The following INPP5A variants were observed in gnomAD, a reference collection of about 807,000 sequenced individuals.
The protein encoded by INPP5A is 43 kDa inositol polyphosphate 5-phophatase.
In INPP5A, 14 loss-of-function variants were observed where a neutral mutation model predicts 65.2. The observed-to-expected ratio is 0.21, with a 90% CI of 0.14 to 0.34. The LOEUF is 0.34. Among genes scored for constraint, INPP5A ranks in the 10% least tolerant of loss-of-function variants. INPP5A has a pLI of 1.00. For missense variants in INPP5A, 431 were observed against 545.6 expected, an observed-to-expected ratio of 0.79 and a Z score of 2.09; for synonymous variants, 207 against 208.3, an observed-to-expected ratio of 0.99 and a Z score of 0.05.
chr10:132,695,087 G>A lies in INPP5A; in HGVS notation c.371-2729G>A, dbSNP rs1345282679. Among the ~76,000 whole-genome samples the A allele has an allele frequency of 5.3e-5, 8 of 152,092 alleles. No individual in the cohort carries two copies. The East Asian group carries it at 1.5e-3, about 29-fold the overall frequency. ...AACCAGATAAAGACATTACAAAGAA[G>A]GAAAACTATGAACTGTAAACAAAAA... On this transcript the variant is annotated intron_variant, in intron 5 of 15. Transcript: ENST00000368594.
chr10:132,690,580 C>T (rs1845242721), intron 5 of INPP5A, 125 bp downstream of exon 5: 2 of 736,780 alleles, frequency 2.7e-6, no homozygotes, highest in South Asian at 3.2e-5. Flanking sequence ...TCTTGAGCCA[C>T]TGTCCAGAGG....
chr10:132,541,529 A>G (rs2070906348), intron 1 of INPP5A, among the ~76,000 whole-genome samples: 1 of 152,138 alleles, frequency 6.6e-6, no homozygotes, highest in Non-Finnish European at 1.5e-5. Context: ...TCACTTTCCT[A>G]GAAATTATGG....
intron 1 of INPP5A, among the ~76,000 whole-genome samples, chr10:132,563,634 CG>C (rs918877360): frequency 2.0e-5 from 3 of 151,646 alleles, no homozygotes; most frequent in African/African-American, 7.3e-5. Flanking sequence ...TGCTGAAAAA[CG>C]AAGTGCGAGT....
intron 8 of INPP5A, among the ~76,000 whole-genome samples, chr10:132,720,244 G>A (rs143419788): frequency 1.3e-5 from 2 of 149,994 alleles, no homozygotes; most frequent in Non-Finnish European, 3.0e-5. Context: ...TTAGACGGCT[G>A]TCTTGCGGGT....
At chr10:132,636,000 A>G (rs914159709) in intron 2 of INPP5A, among the ~76,000 whole-genome samples, 5 of 151,856 alleles carry the variant, frequency 3.3e-5, no homozygotes, top group African/African-American at 1.2e-4. Context: ...AAAAAAAAAA[A>G]AGGCATATTC....
intron 2 of INPP5A, among the ~76,000 whole-genome samples, chr10:132,625,817 C>T (rs1178227749): frequency 1.3e-5 from 2 of 151,202 alleles, no homozygotes; most frequent in East Asian, 2.0e-4. Flanking sequence ...GAGGCTGCTT[C>T]TCTGCAAGGG....
At chr10:132,635,306 A>G (rs944866748) in intron 2 of INPP5A, among the ~76,000 whole-genome samples, 1 of 131,814 alleles carries the variant, frequency 7.6e-6, no homozygotes, top group African/African-American at 2.9e-5. Flanking sequence ...TTTTCCCCTC[A>G]TTCCTGCTGT....
At chr10:132,593,995 A>G (rs192338022) in intron 1 of INPP5A, among the ~76,000 whole-genome samples, 61 of 152,306 alleles carry the variant, frequency 4.0e-4, no homozygotes, top group African/African-American at 1.4e-3. Flanking sequence ...CCATGTCTGT[A>G]TGTATAGAAT....
chr10:132,626,310 A>C (rs912266848), intron 2 of INPP5A, among the ~76,000 whole-genome samples: 2 of 152,222 alleles, frequency 1.3e-5, no homozygotes, highest in Non-Finnish European at 2.9e-5. Flanking sequence ...GTGCATGTGG[A>C]CACGCAGGCT....
chr10:132,631,622 C>G (rs1403247302), intron 2 of INPP5A, among the ~76,000 whole-genome samples: 1 of 152,220 alleles, frequency 6.6e-6, no homozygotes, highest in African/African-American at 2.4e-5. Flanking sequence ...TTTTTAACAC[C>G]GAGTCTTGGC....
At chr10:132,672,898 T>C (rs535027321) in intron 4 of INPP5A, among the ~76,000 whole-genome samples, 1 of 152,218 alleles carries the variant, frequency 6.6e-6, no homozygotes. Context: ...CCTCAGCGGG[T>C]CGTGGTTTTT....
At chr10:132,641,565 C>T (rs994449832) in intron 2 of INPP5A, among the ~76,000 whole-genome samples, 1 of 152,220 alleles carries the variant, frequency 6.6e-6, no homozygotes, top group Non-Finnish European at 1.5e-5. Context: ...CCCAGTCTTT[C>T]AGCAGAAGCT....
At position 132,646,000 on chromosome 10, in the gene INPP5A, C is replaced by T. The variant is rs1204004868; in HGVS notation, c.218+32C>T. The stretch of plus-strand genomic sequence containing the variant: ...CTAGGGGCAGGTGCTGGTGCATGTC[C>T]ACTTCCCAGGGGTGTGGGGTGCCGG... On this transcript the variant is annotated intron_variant, in intron 3 of 15. Coordinates refer to ENST00000368594, the MANE Select transcript of INPP5A (RefSeq NM_005539.5). 6 of 1,489,040 alleles carry T rather than the reference C, an allele frequency of 4.0e-6. No individual in the cohort carries two copies. The Admixed American group carries it at 1.0e-4, about 25-fold the overall frequency. 92.2% of individuals were successfully genotyped at this position (1,489,040 alleles called of 1,614,324 possible). A position where few individuals can be genotyped will look rare whatever the true frequency, so the allele number is the denominator to read the frequency against.
chr10:132,596,430 TTTTG>T (rs1313711764), intron 1 of INPP5A, among the ~76,000 whole-genome samples: 13 of 145,498 alleles, frequency 8.9e-5, no homozygotes, highest in South Asian at 2.2e-4. Flanking sequence ...GCATGTTTTG[TTTTG>T]TTTTTTTTTT....
chr10:132,671,352 CTT>C (rs2072888273), intron 4 of INPP5A, among the ~76,000 whole-genome samples: 1 of 150,760 alleles, frequency 6.6e-6, no homozygotes, highest in Admixed American at 6.6e-5. Context: ...GCCCTCCCTG[CTT>C]CGGACTCCGC....
intron 6 of INPP5A, among the ~76,000 whole-genome samples, chr10:132,701,675 G>A (rs555220839): frequency 2.6e-5 from 4 of 152,314 alleles, no homozygotes; most frequent in South Asian, 4.1e-4. Flanking sequence ...GCTCAGGTGC[G>A]CCCGTGGGGG....
rs117349602 is a variant in INPP5A, at chr10:132,669,315, G to A, written c.306+18810G>A. Among the ~76,000 whole-genome samples, 242 of 152,312 alleles carry A rather than the reference G, an allele frequency of 1.6e-3. 2 individuals carry two copies. The East Asian group carries it at 0.04, about 25-fold the overall frequency. ...TTGTGTGAAGCTGGGAAGTAGCCCC[G>A]TGAGCGCCAGGTGTTGCCGGGCCAG... On this transcript the variant is annotated intron_variant, in intron 4 of 15. Transcript: ENST00000368594.
intron 2 of INPP5A, among the ~76,000 whole-genome samples, chr10:132,628,463 C>CGGGGGGGGGGGGGGGGGGGG (rs55668291): frequency 8.6e-5 from 2 of 23,314 alleles, no homozygotes; most frequent in Admixed American, 4.2e-4. Flanking sequence ...GCTCTGGTGG[C>CGGGGGGGGGGGGGGGGGGGG]GGGGGGGGGG....
Position 132,628,330 on chromosome 10 carries a change from A to G in INPP5A, c.118-17538A>G, listed in dbSNP as rs376202681. ...CGTGAGCATGCACCCATGGCTGGCAATGACTGTGAGGAGTGACAGAGTGAA... is the reference window on the plus strand; with the variant it reads ...CGTGAGCATGCACCCATGGCTGGCAGTGACTGTGAGGAGTGACAGAGTGAA... On this transcript the variant is annotated intron_variant, in intron 2 of 15. Coordinates refer to ENST00000368594, the MANE Select transcript of INPP5A (RefSeq NM_005539.5). 2.9e-3 allele frequency among the ~76,000 whole-genome samples: 429 copies of G among 147,168 alleles called. 1 individual carries two copies. The highest frequency in any genetic ancestry group is 0.018 in the South Asian group (89 of 4,818).
Sources: allele counts gnomAD v4.1 joint callset (sites outside exome capture counted in the v4.1 genomes callset), GRCh38; gene constraint gnomAD v4.1.1; transcripts MANE v1.5; gene names NCBI Gene and HGNC (gene_info 2026-07-23, HGNC 2026-07-21).